ARID1B: variants seen among roughly 807,000 people sequenced by gnomAD.
ARID1B encodes AT-rich interaction domain 1B.
A neutral mutation model predicts 212.3 loss-of-function variants in ARID1B; 30 were observed. That is an observed-to-expected ratio of 0.14 (90% CI 0.11 to 0.19). The LOEUF is 0.19. ARID1B is among the 10% of genes least tolerant of loss of function. The pLI is 1.00. For missense variants in ARID1B, 2,891 were observed against 3,204.0 expected (o/e 0.90, Z 2.36); for synonymous variants, 1,402 against 1,301.7 (o/e 1.08, Z -1.66).
At chr6:156,776,737 T>C (rs1437240026), upstream of ARID1B, 1 of 152,272 alleles carries the variant, frequency 6.6e-6, no homozygotes, top group Non-Finnish European at 1.5e-5. Flanking sequence ...AAAAGAGTTA[T>C]GTAAACATTC....
intron 1 of ARID1B, among the ~76,000 whole-genome samples, chr6:156,795,653 A>T (rs1766862417): frequency 1.3e-5 from 2 of 152,084 alleles, no homozygotes; most frequent in African/African-American, 4.8e-5. Flanking sequence ...CAGTGGTGTT[A>T]GGAGGTTGTG....
At chr6:156,805,462 C>T (rs1454536639) in intron 1 of ARID1B, among the ~76,000 whole-genome samples, 1 of 152,154 alleles carries the variant, frequency 6.6e-6, no homozygotes, top group African/African-American at 2.4e-5. Flanking sequence ...CGAGTGTCAG[C>T]TTTTATTGTT....
chr6:157,040,213 C>T (rs1781789286), intron 4 of ARID1B, among the ~76,000 whole-genome samples: 1 of 152,224 alleles, frequency 6.6e-6, no homozygotes, highest in Admixed American at 6.5e-5. Flanking sequence ...GCTGGGATTA[C>T]AGGCGCAAGC....
In ARID1B at chr6:157,004,893, TTTTC is replaced by T. The variant is rs1562542190; in HGVS notation, c.2247+69321_2247+69324del. Among the ~76,000 whole-genome samples, 133 of 27,982 alleles carry T rather than the reference TTTTC, an allele frequency of 4.8e-3. 4 individuals carry two copies. The highest frequency in any genetic ancestry group is 0.018 in the African/African-American group (76 of 4,324). 18.4% of individuals were successfully genotyped at this position (27,982 alleles called of 152,430 possible). A position where few individuals can be genotyped will look rare whatever the true frequency, so the allele number is the denominator to read the frequency against. ...TTTCTTTTTTCTTTTTCTTCTTCTT[TTTTC>T]TTTTTTTTTTTTTTTTTTTTTTTTT... On this transcript the variant is annotated intron_variant, in intron 4 of 19. Coordinates refer to ENST00000636930, the MANE Select transcript of ARID1B (RefSeq NM_001374828.1).
intron 4 of ARID1B, among the ~76,000 whole-genome samples, chr6:156,982,075 G>A (rs944263600): frequency 3.6e-5 from 5 of 140,486 alleles, no homozygotes; most frequent in South Asian, 2.3e-4. Flanking sequence ...TGGATCTCCC[G>A]TTTCCTAGAT....
intron 16 of ARID1B, 167 bp from the exon 17 acceptor site, chr6:157,198,644 A>G: frequency 3.5e-6 from 2 of 566,888 alleles, no homozygotes; most frequent in East Asian, 5.7e-5. Flanking sequence ...CCCTGGTGCT[A>G]ACAGTTGGCG....
At chr6:156,859,334 G>T (rs1785167096) in intron 2 of ARID1B, among the ~76,000 whole-genome samples, 1 of 152,160 alleles carries the variant, frequency 6.6e-6, no homozygotes. Flanking sequence ...TGTGGTACAT[G>T]ACTGTAAATG....
At chr6:157,032,192 A>G (rs971530983) in intron 4 of ARID1B, among the ~76,000 whole-genome samples, 2 of 152,222 alleles carry the variant, frequency 1.3e-5, no homozygotes, top group Non-Finnish European at 2.9e-5. Context: ...GATACATTCA[A>G]ATATTTAAAA....
intron 1 of ARID1B, among the ~76,000 whole-genome samples, chr6:156,813,098 A>G (rs1781714115): frequency 8.2e-5 from 2 of 24,274 alleles, no homozygotes; most frequent in South Asian, 7.8e-4. Context: ...ATATACATAC[A>G]TATATATATA....
intron 2 of ARID1B, among the ~76,000 whole-genome samples, chr6:156,880,275 GAA>G (rs1466387545): frequency 5.3e-5 from 8 of 152,074 alleles, no homozygotes; most frequent in Non-Finnish European, 2.9e-5. Context: ...AAAGGAGAGA[GAA>G]AGAAAAATAG....
At chr6:157,055,639 G>A (rs1782911232) in intron 4 of ARID1B, among the ~76,000 whole-genome samples, 1 of 152,188 alleles carries the variant, frequency 6.6e-6, no homozygotes, top group African/African-American at 2.4e-5. Flanking sequence ...TTCTGTTGCT[G>A]AGTAACACAT....
chr6:157,081,856 T>C (rs1339932995), intron 4 of ARID1B, among the ~76,000 whole-genome samples: 1 of 152,260 alleles, frequency 6.6e-6, no homozygotes, highest in Admixed American at 6.5e-5. Context: ...TTTTCAAAAA[T>C]TAAATCTGAT....
rs1163139998 is a variant in ARID1B at position 157,057,409 on chromosome 6, T to A, written c.2248-27253T>A. Among the ~76,000 whole-genome samples the A allele has an allele frequency of 3.4e-5, 5 of 148,300 alleles. No individual in the cohort carries two copies. In the Admixed American group the frequency reaches 3.4e-4, roughly 10 times the overall value. ...TTAAAAAAATCAATCTTTTCAATTATGTTTGCAGGTATATATGTATATACA... is the reference window on the plus strand; with the variant it reads ...TTAAAAAAATCAATCTTTTCAATTAAGTTTGCAGGTATATATGTATATACA... On this transcript the variant is annotated intron_variant, in intron 4 of 19. Transcript: ENST00000636930.
chr6:157,158,199 A>C (rs1362763949), intron 8 of ARID1B, among the ~76,000 whole-genome samples: 1 of 152,208 alleles, frequency 6.6e-6, no homozygotes, highest in Non-Finnish European at 1.5e-5. Context: ...AAAGAACTAT[A>C]GCTTTGCTCA....
chr6:157,000,515 T>A (rs961392504), intron 4 of ARID1B, among the ~76,000 whole-genome samples: 6 of 152,150 alleles, frequency 3.9e-5, no homozygotes, highest in Non-Finnish European at 5.9e-5. Flanking sequence ...TGAAAACAAT[T>A]ATAGGACTAA....
intron 4 of ARID1B, among the ~76,000 whole-genome samples, chr6:156,982,425 C>CT (rs778116375): frequency 0.044 from 5,512 of 124,740 alleles, 232 homozygotes; most frequent in African/African-American, 0.11. Context: ...CTCTATGGGT[C>CT]TTTTTTTTTT....
At chr6:156,995,182 A>G (rs555100055) in intron 4 of ARID1B, among the ~76,000 whole-genome samples, 10 of 152,330 alleles carry the variant, frequency 6.6e-5, no homozygotes, top group South Asian at 2.1e-4. Context: ...CTGAAGACAG[A>G]CGGTAGGAAG....
intron 2 of ARID1B, among the ~76,000 whole-genome samples, 196 bp from the exon 3 acceptor site, chr6:156,901,180 G>C (rs1487096463): frequency 6.6e-6 from 1 of 152,184 alleles, no homozygotes; most frequent in Non-Finnish European, 1.5e-5. Flanking sequence ...AGGCAAAGCA[G>C]ATTGCCTTTT....
chr6:157,003,736 T>C (rs1162550804), intron 4 of ARID1B, among the ~76,000 whole-genome samples: 2 of 152,224 alleles, frequency 1.3e-5, no homozygotes, highest in Non-Finnish European at 2.9e-5. Context: ...TCACCCAGGC[T>C]GGGGTGCAGT....
Sources: allele counts gnomAD v4.1 joint callset (sites outside exome capture counted in the v4.1 genomes callset), GRCh38; gene constraint gnomAD v4.1.1; transcripts MANE v1.5; gene names NCBI Gene and HGNC (gene_info 2026-07-23, HGNC 2026-07-21).